Variants in PLCB1 observed in about 807,000 individuals in gnomAD.
The protein encoded by PLCB1 is phospholipase C beta 1.
In PLCB1, 46 loss-of-function variants were observed where a neutral mutation model predicts 161.8. The observed-to-expected ratio is 0.28, with a 90% confidence interval of 0.22 to 0.36. The LOEUF (loss-of-function observed/expected upper bound fraction) is 0.36. Among genes scored for constraint, PLCB1 ranks in the 10% least tolerant of loss-of-function variants. PLCB1 has a pLI of 1.00. For synonymous variants in PLCB1, 517 were observed against 503.7 expected, an observed-to-expected ratio of 1.03 and a Z score of -0.35; for missense variants, 1,016 against 1,472.5, an observed-to-expected ratio of 0.69 and a Z score of 5.07.
chr20:8,574,729 G>T (rs1363082997), intron 3 of PLCB1, among the ~76,000 whole-genome samples: 1 of 146,040 alleles, frequency 6.8e-6, no homozygotes, highest in Non-Finnish European at 1.5e-5. Context: ...CCCCACTGGA[G>T]GTGCAAGGGA....
intron 2 of PLCB1, among the ~76,000 whole-genome samples, chr20:8,362,946 T>G (rs914274369): frequency 1.3e-5 from 2 of 152,162 alleles, no homozygotes; most frequent in African/African-American, 4.8e-5. Context: ...TCCTGGGCAA[T>G]TAACATATTT....
chr20:8,340,446 G>C (rs537013956), intron 2 of PLCB1, among the ~76,000 whole-genome samples: 1 of 151,540 alleles, frequency 6.6e-6, no homozygotes, highest in African/African-American at 2.4e-5. Context: ...TTTTTGAGAC[G>C]GAGTCTCGCT....
intron 19 of PLCB1, among the ~76,000 whole-genome samples, chr20:8,734,498 TAAATA>T (rs953273028): frequency 2.6e-5 from 4 of 151,872 alleles, no homozygotes; most frequent in African/African-American, 4.8e-5. Flanking sequence ...TAATGATCAT[TAAATA>T]AAAGAGTTGC....
intron 3 of PLCB1, among the ~76,000 whole-genome samples, chr20:8,535,202 CAAAA>C (rs11323420): frequency 1.3e-4 from 7 of 52,796 alleles, no homozygotes; most frequent in South Asian, 9.0e-4. Flanking sequence ...AGTTTATGGG[CAAAA>C]AAAAAAAAAA....
intron 3 of PLCB1, among the ~76,000 whole-genome samples, chr20:8,474,577 G>C (rs1419074961): frequency 6.6e-6 from 1 of 152,074 alleles, no homozygotes; most frequent in African/African-American, 2.4e-5. Context: ...CAACATGCTG[G>C]ATGCTGCTGT....
At chr20:8,471,620 T>C (rs1982056633) in intron 3 of PLCB1, among the ~76,000 whole-genome samples, 1 of 152,170 alleles carries the variant, frequency 6.6e-6, no homozygotes, top group African/African-American at 2.4e-5. Context: ...CAGTTTGTGA[T>C]TCCTCTCAGC....
rs537167101 is a variant in PLCB1, at chr20:8,871,288, G to A, written c.3424-10334G>A. 2.0e-5 allele frequency among the ~76,000 whole-genome samples: 3 copies of A among 152,298 alleles called. No homozygotes were observed. The East Asian group carries it at 5.8e-4, about 29-fold the overall frequency. On this transcript the variant is annotated intron_variant, in intron 31 of 31. Transcript: ENST00000338037. ...TACATATATACCTGTAGATTGTGTA[G>A]GGAAGAGGGAATTTACAGCTACAGA...
At chr20:8,196,811 C>G (rs1257313174) in intron 2 of PLCB1, among the ~76,000 whole-genome samples, 6 of 152,074 alleles carry the variant, frequency 3.9e-5, no homozygotes, top group Non-Finnish European at 7.4e-5. Flanking sequence ...AATGCTATCC[C>G]TACCCCCTCC....
At chr20:8,296,877 T>C (rs767883765) in intron 2 of PLCB1, among the ~76,000 whole-genome samples, 3 of 152,178 alleles carry the variant, frequency 2.0e-5, no homozygotes, top group Non-Finnish European at 2.9e-5. Flanking sequence ...GAAATGACCA[T>C]ATGTTTGAGT....
At chr20:8,226,834 C>A (rs543360993) in intron 2 of PLCB1, among the ~76,000 whole-genome samples, 1 of 151,804 alleles carries the variant, frequency 6.6e-6, no homozygotes, top group Non-Finnish European at 1.5e-5. Flanking sequence ...ATTACAGGCA[C>A]CTGCCACTGC....
intron 1 of PLCB1, among the ~76,000 whole-genome samples, chr20:8,134,908 G>A (rs919041286): frequency 2.0e-5 from 3 of 151,770 alleles, no homozygotes; most frequent in African/African-American, 7.3e-5. Context: ...CAGGAGTCAA[G>A]TTATCTGGAA....
At chr20:8,833,926 T>C (rs980730402) in intron 31 of PLCB1, among the ~76,000 whole-genome samples, 1 of 152,270 alleles carries the variant, frequency 6.6e-6, no homozygotes, top group African/African-American at 2.4e-5. Flanking sequence ...GTGGCAGTTA[T>C]GCAGACCTTT....
chr20:8,252,700 G>A, intron 2 of PLCB1, among the ~76,000 whole-genome samples: 1 of 150,460 alleles, frequency 6.6e-6, no homozygotes, highest in Non-Finnish European at 1.5e-5. Context: ...CCCATCCACT[G>A]TCCCTTACTC....
At chr20:8,558,515 G>A (rs1720759304) in intron 3 of PLCB1, among the ~76,000 whole-genome samples, 1 of 151,630 alleles carries the variant, frequency 6.6e-6, no homozygotes, top group South Asian at 2.1e-4. Context: ...AAGGCAGAAA[G>A]AATATTTGAA....
intron 2 of PLCB1, among the ~76,000 whole-genome samples, chr20:8,282,089 A>G (rs868385992): frequency 1.4e-4 from 22 of 152,208 alleles, no homozygotes; most frequent in African/African-American, 3.9e-4. Context: ...TCCATACCTC[A>G]TAACTATTAT....
intron 31 of PLCB1, among the ~76,000 whole-genome samples, chr20:8,853,394 G>A (rs1986956110): frequency 6.6e-6 from 1 of 152,134 alleles, no homozygotes. Context: ...CCTCCATCCG[G>A]AAGTAACAGC....
intron 2 of PLCB1, among the ~76,000 whole-genome samples, chr20:8,349,067 C>CT (rs1426162973): frequency 2.4e-4 from 36 of 152,114 alleles, no homozygotes; most frequent in Middle Eastern, 3.4e-3. Flanking sequence ...TCTACATATA[C>CT]ACACCCATGT....
In PLCB1 at chr20:8,716,330, G is replaced by C. The variant is rs746127346; in HGVS notation, c.1317G>C (p.Glu439Asp). Residue 439 changes from glutamate (E) to aspartate (D), a missense_variant, in exon 13 of 32, where the codon GAG becomes GAC. By Grantham distance (45) the Glu-to-Asp change is conservative (BLOSUM62 2). Transcript: ENST00000338037. ...RLIFGDALLM[E>D]PLEKYPLESG... ...TCTTTGGGGATGCCCTTCTCATGGAGCCCCTGGAAAAATATCCAGTAAGCA... is the reference window on the plus strand; with the variant it reads ...TCTTTGGGGATGCCCTTCTCATGGACCCCCTGGAAAAATATCCAGTAAGCA... The C allele has an allele frequency of 1.7e-5, 28 of 1,613,428 alleles. No homozygotes were observed.
chr20:8,472,428 T>C (rs180894840), intron 3 of PLCB1, among the ~76,000 whole-genome samples: 1 of 152,320 alleles, frequency 6.6e-6, no homozygotes, highest in African/African-American at 2.4e-5. Flanking sequence ...AGATGATGGA[T>C]AAGTCAAGCC....
Sources: gnomAD v4.1 joint callset for allele counts (sites outside exome capture counted in the v4.1 genomes callset) on GRCh38, gnomAD v4.1.1 for gene constraint, MANE v1.5 for transcripts, NCBI Gene and HGNC (gene_info 2026-07-23, HGNC 2026-07-21) for gene names.